Variants in PLEKHA8 observed in about 807,000 individuals in gnomAD.
PLEKHA8 encodes the protein pleckstrin homology domain-containing family A member 8.
Under a neutral mutation model 68.2 loss-of-function variants are expected in PLEKHA8, and 36 were observed. The ratio of observed to expected loss-of-function variants is 0.53; its 90% CI spans 0.40 to 0.70. The LOEUF (loss-of-function observed/expected upper bound fraction) is 0.70. PLEKHA8 is among the 30% of genes least tolerant of loss of function. The pLI, the probability that PLEKHA8 is intolerant of heterozygous loss-of-function variation, is 0.00. For missense variants in PLEKHA8, 505 were observed against 615.4 expected (o/e 0.82, Z 1.90); for synonymous variants, 211 against 216.1 (o/e 0.98, Z 0.20).
In PLEKHA8 at chr7:30,097,405, A is replaced by T. The variant is rs1311607276; in HGVS notation, c.1362+23273A>T. ...CTAGATTGGGGAAGTTCTCCTAGATAATATCCTGCAGAGTGTTTTCCAGCT... is the reference window on the plus strand; with the variant it reads ...CTAGATTGGGGAAGTTCTCCTAGATTATATCCTGCAGAGTGTTTTCCAGCT... On this transcript the variant is annotated intron_variant, in intron 13 of 13. Coordinates refer to the PLEKHA8 transcript ENST00000396257. Among the ~76,000 whole-genome samples, 3 of 152,172 alleles carry T rather than the reference A, an allele frequency of 2.0e-5. No homozygotes were observed. In the East Asian group the frequency reaches 5.8e-4, roughly 29 times the overall value.
In PLEKHA8 at chr7:30,079,421, A is replaced by C; in HGVS notation, c.*634A>C. On this transcript the variant is annotated 3_prime_UTR_variant, in exon 14 of 14. Coordinates refer to ENST00000449726, the MANE Select transcript of PLEKHA8 (RefSeq NM_001197026.2). Reference sequence around the variant, plus strand: ...CAGGCATGAAACCGTTGCTCTGAGAAGATTAATGGTGTGCCCTAGCCCCAA... The same window carrying C: ...CAGGCATGAAACCGTTGCTCTGAGACGATTAATGGTGTGCCCTAGCCCCAA... 1.0e-6 allele frequency: 1 copy of C among 985,662 alleles called. No homozygotes were observed. Among genetic ancestry groups the C allele is most frequent in the Non-Finnish European group, 1.2e-6 (1 of 830,138 alleles). The allele number at this position is 985,662 out of a possible 1,614,324, so 61.1% of individuals were successfully genotyped here. A position where few individuals can be genotyped will look rare whatever the true frequency, so the allele number is the denominator to read the frequency against.
In PLEKHA8 at chr7:30,078,584, T is replaced by C; in HGVS notation, c.1363-6T>C. 6.2e-7 allele frequency: 1 copy of C among 1,613,560 alleles called. No individual in the cohort carries two copies. The highest frequency in any genetic ancestry group is 8.5e-7 in the Non-Finnish European group (1 of 1,179,712). ...ATGCAGATTCTCATGGGTTATTCTT[T>C]TGCAGTTAGCTTTAAGGGCAGCTCC... On this transcript the variant is annotated splice_polypyrimidine_tract_variant and splice_region_variant and intron_variant, in intron 13 of 13. Transcript: ENST00000449726.
Position 30,081,460 on chromosome 7 carries a change from T to C in PLEKHA8, c.*2673T>C. 1.0e-6 allele frequency: 1 copy of C among 985,000 alleles called. No individual in the cohort carries two copies. The highest frequency in any genetic ancestry group is 1.2e-6 in the Non-Finnish European group (1 of 829,542). The allele number at this position is 985,000 out of a possible 1,614,324, so 61.0% of individuals were successfully genotyped here. ...GAGCTTCCTCCTACATCTAAAGTAT[T>C]TGCTCTCTGTTTTAGTTAAAGTCAT... On this transcript the variant is annotated 3_prime_UTR_variant, in exon 14 of 14. Transcript: ENST00000449726.
downstream of PLEKHA8, among the ~76,000 whole-genome samples, chr7:30,092,042 A>AC (rs1795433874): frequency 6.6e-6 from 1 of 152,168 alleles, no homozygotes; most frequent in African/African-American, 2.4e-5. Flanking sequence ...GTGAGCAACT[A>AC]AGGACCCTGT....
At chr7:30,099,627 A>G (rs985797936) in intron 13 of PLEKHA8, among the ~76,000 whole-genome samples, 1 of 152,228 alleles carries the variant, frequency 6.6e-6, no homozygotes, top group Non-Finnish European at 1.5e-5. Context: ...CACTACATCC[A>G]GGGAGAATAC....
At chr7:30,109,305 A>C (rs1007670135) in intron 13 of PLEKHA8, among the ~76,000 whole-genome samples, 1 of 152,174 alleles carries the variant, frequency 6.6e-6, no homozygotes, top group African/African-American at 2.4e-5. Flanking sequence ...AAAAGAGATT[A>C]ACATGGCTGG....
intron 12 of PLEKHA8, among the ~76,000 whole-genome samples, chr7:30,068,222 T>A (rs538143146): frequency 6.6e-6 from 1 of 152,116 alleles, no homozygotes; most frequent in Non-Finnish European, 1.5e-5. Context: ...CAGGTGATGC[T>A]GAGGCTGCTG....
intron 1 of PLEKHA8, among the ~76,000 whole-genome samples, chr7:30,031,173 T>C (rs1452494648): frequency 6.6e-6 from 1 of 152,220 alleles, no homozygotes; most frequent in Non-Finnish European, 1.5e-5. Context: ...GGGGAAGCAA[T>C]GTTGAACAAA....
intron 13 of PLEKHA8, among the ~76,000 whole-genome samples, chr7:30,128,053 G>C (rs1796805704): frequency 6.9e-6 from 1 of 144,528 alleles, no homozygotes; most frequent in Admixed American, 6.9e-5. Context: ...ATTAGAAATT[G>C]TGTCTCTTGT....
downstream of PLEKHA8, among the ~76,000 whole-genome samples, chr7:30,093,278 G>A (rs1226103485): frequency 6.6e-6 from 1 of 152,196 alleles, no homozygotes. Flanking sequence ...CAACCACTGT[G>A]TGAAAAACTT....
chr7:30,098,448 C>T (rs1423027547), intron 13 of PLEKHA8, among the ~76,000 whole-genome samples: 2 of 152,248 alleles, frequency 1.3e-5, no homozygotes, highest in Non-Finnish European at 2.9e-5. Context: ...GGCAGGCAGG[C>T]CTCCTTGAGC....
intron 12 of PLEKHA8, among the ~76,000 whole-genome samples, chr7:30,067,078 T>C (rs1562527215): frequency 6.6e-6 from 1 of 152,254 alleles, no homozygotes; most frequent in South Asian, 2.1e-4. Context: ...TGCCTGAAAT[T>C]AACAAAGGGC....
chr7:30,057,590 TG>T (rs1793098282), intron 9 of PLEKHA8, among the ~76,000 whole-genome samples: 1 of 152,010 alleles, frequency 6.6e-6, no homozygotes, highest in South Asian at 2.1e-4. Context: ...CCCAAGTAGC[TG>T]GGGTTACAGG....
Position 30,083,996 on chromosome 7 carries a change from C to CA in PLEKHA8, c.*5210dup. 1.0e-6 allele frequency: 1 copy of CA among 985,418 alleles called. No homozygotes were observed. The highest frequency in any genetic ancestry group is 1.2e-6 in the Non-Finnish European group (1 of 829,912). 61.0% of individuals were successfully genotyped at this position (985,418 alleles called of 1,614,324 possible). A position where few individuals can be genotyped will look rare whatever the true frequency, so the allele number is the denominator to read the frequency against. On this transcript the variant is annotated 3_prime_UTR_variant, in exon 14 of 14. Transcript: ENST00000449726. ...TTCCTAGAAGGCTATGAGCCAGTTC[C>CA]ATGGCATGTTTAATGTATAATTCCC...
chr7:30,116,674 G>T (rs1796576680), intron 13 of PLEKHA8, among the ~76,000 whole-genome samples: 3 of 152,246 alleles, frequency 2.0e-5, no homozygotes, highest in East Asian at 1.9e-4. Flanking sequence ...CCATATAAAT[G>T]ATTTTCATTG....
chr7:30,029,881 G>C (rs936658819), intron 1 of PLEKHA8, among the ~76,000 whole-genome samples: 3 of 152,200 alleles, frequency 2.0e-5, no homozygotes, highest in Non-Finnish European at 4.4e-5. Flanking sequence ...ACAGCCAAAG[G>C]TGCCCCTATT....
At chr7:30,075,824 G>T (rs931283881) in intron 13 of PLEKHA8, among the ~76,000 whole-genome samples, 1 of 152,098 alleles carries the variant, frequency 6.6e-6, no homozygotes, top group African/African-American at 2.4e-5. Flanking sequence ...AAACTTATCA[G>T]CATAAATCTT....
At chr7:30,091,190 A>G (rs567213756), downstream of PLEKHA8, among the ~76,000 whole-genome samples, 1 of 152,212 alleles carries the variant, frequency 6.6e-6, no homozygotes, top group Non-Finnish European at 1.5e-5. Context: ...CTGTAGAGAC[A>G]AATCAAGAAT....
At chr7:30,048,648 C>T (rs1168326947) in intron 4 of PLEKHA8, among the ~76,000 whole-genome samples, 1 of 152,212 alleles carries the variant, frequency 6.6e-6, no homozygotes, top group Non-Finnish European at 1.5e-5. Flanking sequence ...AAAGAAGTTT[C>T]GATCTGACAG....
Sources: allele counts gnomAD v4.1 joint callset (sites outside exome capture counted in the v4.1 genomes callset), GRCh38; gene constraint gnomAD v4.1.1; transcripts MANE v1.5; gene names NCBI Gene and HGNC (gene_info 2026-07-23, HGNC 2026-07-21).